Variants in OTUD7A observed in about 807,000 individuals in gnomAD.
The protein encoded by OTUD7A is OTU domain-containing protein 7A.
Under a neutral mutation model 65.7 loss-of-function variants are expected in OTUD7A, and 12 were observed. The ratio of observed to expected loss-of-function variants is 0.18; its 90% CI spans 0.12 to 0.30. The LOEUF (loss-of-function observed/expected upper bound fraction) is 0.30, where lower values mean the gene tolerates loss of function less well. Among genes scored for constraint, OTUD7A ranks in the 10% least tolerant of loss-of-function variants. OTUD7A has a pLI of 1.00. For synonymous variants in OTUD7A, 641 were observed against 586.3 expected, an observed-to-expected ratio of 1.09 and a Z score of -1.35; for missense variants, 1,148 against 1,304.8, an observed-to-expected ratio of 0.88 and a Z score of 1.85.
At chr15:31,684,082 T>C (rs1398254376) in intron 1 of OTUD7A, among the ~76,000 whole-genome samples, 2 of 152,186 alleles carry the variant, frequency 1.3e-5, no homozygotes, top group African/African-American at 4.8e-5. Flanking sequence ...AAGAAAACGA[T>C]TTTGCTACTG....
intron 1 of OTUD7A, among the ~76,000 whole-genome samples, chr15:31,727,069 C>T (rs1315248930): frequency 6.6e-6 from 1 of 152,184 alleles, no homozygotes; most frequent in East Asian, 1.9e-4. Context: ...GGAGCAGGTG[C>T]TAGGTCCAAG....
intron 1 of OTUD7A, among the ~76,000 whole-genome samples, chr15:31,750,103 GA>G: frequency 6.6e-6 from 1 of 152,284 alleles, no homozygotes; most frequent in South Asian, 2.1e-4. Context: ...TGAATTGGAT[GA>G]ATCAATATTG....
intron 5 of OTUD7A, among the ~76,000 whole-genome samples, chr15:31,552,228 C>G (rs1888348342): frequency 6.6e-6 from 1 of 152,190 alleles, no homozygotes. Flanking sequence ...TGGCCCCATG[C>G]TTCTTGTACA....
chr15:31,719,192 T>C (rs192928074), intron 1 of OTUD7A, among the ~76,000 whole-genome samples: 98 of 152,290 alleles, frequency 6.4e-4, no homozygotes, highest in African/African-American at 2.1e-3. Context: ...TCAAGCGATC[T>C]TCAGTCTCCC....
In OTUD7A at chr15:31,860,707, A is replaced by G. The variant is rs867398896; in HGVS notation, c.-100+9800T>C. On this transcript the variant is annotated intron_variant, in intron 1 of 12. Transcript: ENST00000307050. ...TATATATATATATATATATGTATGT[A>G]TATATATATATTTTTTGGGACGGAG... 1.1e-3 allele frequency among the ~76,000 whole-genome samples: 148 copies of G among 134,068 alleles called. 3 individuals are homozygous for G. The highest frequency in any genetic ancestry group is 3.5e-3 in the African/African-American group (127 of 36,722). The allele number at this position is 134,068 out of a possible 152,430, so 88.0% of individuals were successfully genotyped here. A position where few individuals can be genotyped will look rare whatever the true frequency, so the allele number is the denominator to read the frequency against.
At position 31,484,425 on chromosome 15, in the gene OTUD7A, A is replaced by C; in HGVS notation, c.1671T>G (p.Asn557Lys). The C allele has an allele frequency of 6.2e-7, 1 of 1,602,538 alleles. No individual in the cohort carries two copies. ...GCTCGGCCGAGTCCCCGTTCTTGCCATTGGCGGAGTTGGCGCGGCCCATCT... is the reference window on the plus strand; with the variant it reads ...GCTCGGCCGAGTCCCCGTTCTTGCCCTTGGCGGAGTTGGCGCGGCCCATCT... ...HGKMGRANSA[N>K]GKNGDSAERG... is the part of the protein sequence containing the mutation. The change falls in exon 13 of 13, where the codon AAT (asparagine) becomes AAG (lysine). Residue 557 changes from asparagine to lysine, a missense_variant. Asn to Lys is a moderately conservative substitution (Grantham distance 94). Around this residue, in one of 6 missense-constraint regions of OTUD7A, gnomAD observed 842 missense variants for 769.5 expected, o/e 1.09. Coordinates refer to ENST00000307050, the MANE Select transcript of OTUD7A (RefSeq NM_001382637.1). This position sits in a 1 kb window ranked among gnomAD's most constrained non-coding sequence, Gnocchi z 4.5.
intron 1 of OTUD7A, among the ~76,000 whole-genome samples, chr15:31,806,659 G>C (rs1279338135): frequency 6.6e-6 from 1 of 152,150 alleles, no homozygotes; most frequent in Non-Finnish European, 1.5e-5. Flanking sequence ...CCTCCATCAA[G>C]TAGCACAGCC....
At chr15:31,671,296 C>A (rs1171352691) in intron 1 of OTUD7A, among the ~76,000 whole-genome samples, 3 of 152,124 alleles carry the variant, frequency 2.0e-5, no homozygotes, top group Non-Finnish European at 4.4e-5. Flanking sequence ...ATATGGCTAG[C>A]CAGTTTTCCC....
intron 8 of OTUD7A, among the ~76,000 whole-genome samples, chr15:31,513,134 G>A (rs1206572685): frequency 6.6e-6 from 1 of 152,150 alleles, no homozygotes; most frequent in African/African-American, 2.4e-5. Flanking sequence ...GCCTCCCAAA[G>A]TGCTGGGATT....
At chr15:31,700,553 T>C (rs1462031930) in intron 1 of OTUD7A, among the ~76,000 whole-genome samples, 1 of 152,242 alleles carries the variant, frequency 6.6e-6, no homozygotes, top group African/African-American at 2.4e-5. Flanking sequence ...CTTTCTCTTT[T>C]CCTCTATCTC....
chr15:31,724,080 T>G (rs1893819792), intron 1 of OTUD7A, among the ~76,000 whole-genome samples: 1 of 151,048 alleles, frequency 6.6e-6, no homozygotes, highest in Admixed American at 6.6e-5. Flanking sequence ...ATATTTCTTC[T>G]TTGGTGAACT....
At chr15:31,668,126 G>A (rs2141292469) in intron 1 of OTUD7A, among the ~76,000 whole-genome samples, 1 of 152,264 alleles carries the variant, frequency 6.6e-6, no homozygotes, top group African/African-American at 2.4e-5. Context: ...GTGCCTAAGT[G>A]ATGATCTTTT....
intron 1 of OTUD7A, among the ~76,000 whole-genome samples, chr15:31,864,760 T>TACACACAC (rs72128495): frequency 1.0e-3 from 150 of 146,574 alleles, no homozygotes; most frequent in African/African-American, 3.6e-3. Flanking sequence ...CTCCTCTTCC[T>TACACACAC]ACACACACAC....
rs898945356 is a variant in OTUD7A at position 31,476,090 on chromosome 15, G to C, written c.*7204C>G. 1 of 152,242 alleles carries C rather than the reference G, an allele frequency of 6.6e-6. No homozygotes were observed. Among genetic ancestry groups the C allele is most frequent in the African/African-American group, 2.4e-5 (1 of 41,462 alleles). The allele number at this position is 152,242 out of a possible 1,614,324, so 9.4% of individuals were successfully genotyped here. The stretch of plus-strand genomic sequence containing the variant: ...TGAGGCAGTAACAGGTCACTAAGGA[G>C]CTTAGTCCCTCTGTGGACCCAGCTA... On this transcript the variant is annotated 3_prime_UTR_variant, in exon 13 of 13. Coordinates refer to ENST00000307050, the MANE Select transcript of OTUD7A (RefSeq NM_001382637.1).
chr15:31,833,925 G>A (rs970113550), intron 1 of OTUD7A, among the ~76,000 whole-genome samples: 4 of 152,182 alleles, frequency 2.6e-5, no homozygotes, highest in East Asian at 3.8e-4. Context: ...TTTTTGGGGG[G>A]TCCTCCCCTA....
chr15:31,775,401 T>A (rs1207315146), intron 1 of OTUD7A, among the ~76,000 whole-genome samples: 2 of 151,680 alleles, frequency 1.3e-5, no homozygotes, highest in Non-Finnish European at 2.9e-5. Context: ...GAGTTTATAC[T>A]CCAATAAGAA....
intron 3 of OTUD7A, among the ~76,000 whole-genome samples, chr15:31,643,610 G>A (rs1891580616): frequency 2.6e-5 from 4 of 152,088 alleles, no homozygotes. Flanking sequence ...TAGCAGTTCT[G>A]GTTTGACTTT....
chr15:31,509,868 GTCTT>G (rs1366480471), intron 8 of OTUD7A, among the ~76,000 whole-genome samples: 1 of 147,406 alleles, frequency 6.8e-6, no homozygotes, highest in African/African-American at 2.5e-5. Flanking sequence ...ATTTTACCGT[GTCTT>G]TCTTTGATTT....
intron 3 of OTUD7A, among the ~76,000 whole-genome samples, chr15:31,604,386 T>G (rs888237402): frequency 6.6e-6 from 1 of 151,488 alleles, no homozygotes; most frequent in Non-Finnish European, 1.5e-5. Flanking sequence ...TAAGTGGGAG[T>G]TGAACAATGA....
Sources: gnomAD v4.1 joint callset for allele counts (sites outside exome capture counted in the v4.1 genomes callset) on GRCh38, gnomAD v4.1.1 for gene constraint, gnomAD v4.1.1 regional missense constraint, Gnocchi (gnomAD v3.1) non-coding constraint, MANE v1.5 for transcripts, NCBI Gene and HGNC (gene_info 2026-07-23, HGNC 2026-07-21) for gene names.